SUGCT: variants seen among roughly 807,000 people sequenced by gnomAD.
SUGCT encodes the protein succinyl-CoA:glutarate-CoA transferase, also known as succinyl-CoA:glutarate CoA-transferase.
SUGCT carries 41 observed loss-of-function variants against 55.0 expected under a neutral mutation model. That is an observed-to-expected ratio of 0.74 (90% CI 0.58 to 0.97). SUGCT has a LOEUF of 0.97. Ranked by LOEUF, SUGCT falls within the 50% of genes least tolerant of loss-of-function variation. The probability of loss-of-function intolerance (pLI) is 0.00; values close to 1 mark genes in which losing one functional copy is unlikely to be tolerated. For missense variants in SUGCT, 568 were observed against 547.8 expected (o/e 1.04, Z -0.37); for synonymous variants, 187 against 200.4 (o/e 0.93, Z 0.56).
chr7:41,016,822 T>C, the SUGCT span, among the ~76,000 whole-genome samples: 1 of 152,194 alleles, frequency 6.6e-6, no homozygotes, highest in Non-Finnish European at 1.5e-5. Flanking sequence ...CTGCGTCTTG[T>C]GAATTCTGTT....
At chr7:40,550,856 T>G (rs1219670943) in intron 12 of SUGCT, among the ~76,000 whole-genome samples, 1 of 152,208 alleles carries the variant, frequency 6.6e-6, no homozygotes, top group Non-Finnish European at 1.5e-5. Flanking sequence ...TCATCTTTGT[T>G]CTTCAGGATC....
intron 9 of SUGCT, among the ~76,000 whole-genome samples, chr7:40,348,885 A>T (rs956512378): frequency 1.3e-5 from 2 of 152,124 alleles, no homozygotes; most frequent in East Asian, 3.9e-4. Context: ...GTTTGATTTC[A>T]TATTTAAGGA....
chr7:40,514,851 A>G (rs760223515), intron 12 of SUGCT, among the ~76,000 whole-genome samples: 1 of 152,172 alleles, frequency 6.6e-6, no homozygotes, highest in African/African-American at 2.4e-5. Context: ...CAAATTAATA[A>G]TCAGGATATT....
chr7:40,335,012 C>A (rs1415606625), intron 9 of SUGCT, among the ~76,000 whole-genome samples: 1 of 152,146 alleles, frequency 6.6e-6, no homozygotes, highest in East Asian at 1.9e-4. Flanking sequence ...AATAGGGAAT[C>A]CTTTCCCCAT....
At chr7:40,997,368 A>G in the SUGCT span, among the ~76,000 whole-genome samples, 1 of 152,272 alleles carries the variant, frequency 6.6e-6, no homozygotes, top group East Asian at 1.9e-4. Flanking sequence ...TGTTCTCTAC[A>G]GCAGCCCCGC....
chr7:40,772,518 CTATCT>C (rs1017230133), intron 13 of SUGCT, among the ~76,000 whole-genome samples: 2 of 148,014 alleles, frequency 1.4e-5, no homozygotes, highest in African/African-American at 4.9e-5. Context: ...ATCTATCTAT[CTATCT>C]ATCTATCTAT....
intron 12 of SUGCT, among the ~76,000 whole-genome samples, chr7:40,589,202 A>G (rs1030275483): frequency 6.6e-6 from 1 of 152,028 alleles, no homozygotes; most frequent in African/African-American, 2.4e-5. Flanking sequence ...GTGAGCCAAG[A>G]CAATATTTTC....
At position 40,575,126 on chromosome 7, in the gene SUGCT, G is replaced by GC. The variant is rs1554372716; in HGVS notation, c.1089+78740_1089+78741insC. On this transcript the variant is annotated intron_variant, in intron 12 of 13. Transcript: ENST00000335693. ...TGGTGGGCAGGAGGGTGGCGGGGGTGGGGGTGGAGATGGGTGAAGTTTTGG... is the reference window on the plus strand; with the variant it reads ...TGGTGGGCAGGAGGGTGGCGGGGGTGCGGGGTGGAGATGGGTGAAGTTTTGG... Among the ~76,000 whole-genome samples, 121 of 139,804 alleles carry GC rather than the reference G, an allele frequency of 8.7e-4. 1 individual carries two copies. Among genetic ancestry groups the GC allele is most frequent in the African/African-American group, 2.9e-3 (90 of 31,532 alleles). 91.7% of individuals were successfully genotyped at this position (139,804 alleles called of 152,430 possible).
rs369772028 is a variant in SUGCT, at chr7:40,238,728, T to G, written c.576+1002T>G. ...TACTTTTTATTAATTTCAAAGCAAC[T>G]GTTGGGGTTTTAATTTCTGGAAATA... is the stretch of plus-strand genomic sequence containing the variant. On this transcript the variant is annotated intron_variant, in intron 7 of 13. Transcript: ENST00000335693. Among the ~76,000 whole-genome samples the G allele has an allele frequency of 5.5e-4, 84 of 152,254 alleles. No homozygotes were observed. In the Middle Eastern group the frequency reaches 0.014, roughly 25 times the overall value.
intron 12 of SUGCT, among the ~76,000 whole-genome samples, chr7:40,542,815 C>T (rs1263455768): frequency 6.6e-6 from 1 of 152,144 alleles, no homozygotes. Context: ...CTGTTTATGA[C>T]ACTGATTCGA....
At chr7:40,911,327 A>G in the SUGCT span, among the ~76,000 whole-genome samples, 1 of 152,214 alleles carries the variant, frequency 6.6e-6, no homozygotes, top group Non-Finnish European at 1.5e-5. Flanking sequence ...AACTTTGAGT[A>G]CAGTTCAAAG....
chr7:40,262,524 G>T (rs903066261), intron 7 of SUGCT, among the ~76,000 whole-genome samples: 1 of 149,874 alleles, frequency 6.7e-6, no homozygotes, highest in Non-Finnish European at 1.5e-5. Context: ...AATTAGCCGA[G>T]CGTGGTAGTG....
intron 12 of SUGCT, among the ~76,000 whole-genome samples, chr7:40,544,998 C>T (rs1298362593): frequency 6.6e-6 from 1 of 152,188 alleles, no homozygotes; most frequent in Non-Finnish European, 1.5e-5. Context: ...CTCCCCCACA[C>T]ACTCCAATCA....
intron 9 of SUGCT, among the ~76,000 whole-genome samples, chr7:40,441,292 A>G (rs1788500437): frequency 6.6e-6 from 1 of 152,138 alleles, no homozygotes; most frequent in African/African-American, 2.4e-5. Context: ...ATTATTAATA[A>G]ATGTCTTGGG....
intron 9 of SUGCT, among the ~76,000 whole-genome samples, chr7:40,433,557 C>T (rs962520481): frequency 2.6e-5 from 4 of 152,150 alleles, no homozygotes; most frequent in Admixed American, 2.0e-4. Context: ...TCTCCACCTT[C>T]CTGTTTCCTT....
At chr7:40,687,649 A>G (rs991067428) in intron 12 of SUGCT, among the ~76,000 whole-genome samples, 1 of 152,158 alleles carries the variant, frequency 6.6e-6, no homozygotes, top group Non-Finnish European at 1.5e-5. Context: ...TTCTTCCCAC[A>G]AACACCATAC....
intron 12 of SUGCT, among the ~76,000 whole-genome samples, chr7:40,504,092 G>A (rs925084806): frequency 6.6e-6 from 1 of 152,286 alleles, no homozygotes; most frequent in East Asian, 1.9e-4. Flanking sequence ...TCGTCAAAGA[G>A]TACAAACTTT....
intron 10 of SUGCT, 25 bp from the exon 11 acceptor site, chr7:40,459,076 C>G (rs1392455664): frequency 6.6e-7 from 1 of 1,522,222 alleles, no homozygotes; most frequent in Non-Finnish European, 9.1e-7. Flanking sequence ...ATTTCTTATA[C>G]TGGAAAATTA....
intron 9 of SUGCT, among the ~76,000 whole-genome samples, chr7:40,377,709 A>G (rs978295347): frequency 1.3e-5 from 2 of 152,030 alleles, no homozygotes; most frequent in African/African-American, 2.4e-5. Context: ...ATTTATGTGG[A>G]TTTTAGTTAC....
Sources: gnomAD v4.1 joint callset for allele counts (sites outside exome capture counted in the v4.1 genomes callset) on GRCh38, gnomAD v4.1.1 for gene constraint, MANE v1.5 for transcripts, NCBI Gene and HGNC (gene_info 2026-07-23, HGNC 2026-07-21) for gene names.